Variants in MTF1 observed in about 807,000 individuals in gnomAD.
MTF1 encodes the protein MRE-binding transcription factor.
A neutral mutation model predicts 70.4 loss-of-function variants in MTF1; 22 were observed. The ratio of observed to expected loss-of-function variants is 0.31; its 90% CI spans 0.22 to 0.45. The LOEUF is 0.45. MTF1 is among the 20% of genes least tolerant of loss of function. The pLI, the probability that MTF1 is intolerant of heterozygous loss-of-function variation, is 1.00. For synonymous variants in MTF1, 333 were observed against 352.8 expected (o/e 0.94, Z 0.63); for missense variants, 649 against 922.0 (o/e 0.70, Z 3.83).
chr1:37,838,620 C>T lies in MTF1; in HGVS notation c.779+5G>A. Reference sequence around the variant, plus strand: ...CAGTGACAAATAGAAAACAGTAAGACCTACCGAAATGGCTTTTCCCCTGTA... The same window carrying T: ...CAGTGACAAATAGAAAACAGTAAGATCTACCGAAATGGCTTTTCCCCTGTA... On this transcript the variant is annotated splice_donor_5th_base_variant and intron_variant, in intron 4 of 10. Coordinates refer to ENST00000373036, the MANE Select transcript of MTF1 (RefSeq NM_005955.3). 1.2e-6 allele frequency: 2 copies of T among 1,610,260 alleles called. No homozygotes were observed. The highest frequency in any genetic ancestry group is 1.7e-6 in the Non-Finnish European group (2 of 1,177,512).
At chr1:37,831,645 T>C (rs564878810) in intron 7 of MTF1, among the ~76,000 whole-genome samples, 150 of 152,310 alleles carry the variant, frequency 9.8e-4, no homozygotes, top group African/African-American at 3.5e-3. Context: ...TCAAATTTCC[T>C]AACAGCTTGA....
Position 37,857,505 on chromosome 1 carries a change from C to G in MTF1, c.154G>C (p.Glu52Gln). ...TCCTCCAAAGTGCCAGGGTCCTGCT[C>G]AATAAGAACAGTGGTCCTATCATAA... ...TVYDRTTVLI[E>Q]QDPGTLEDED... Residue 52 changes from glutamate to glutamine, a missense_variant, in exon 2 of 11, where the codon GAG becomes CAG. Transcript: ENST00000373036. The G allele has an allele frequency of 6.2e-7, 1 of 1,614,186 alleles. No homozygotes were observed. The highest frequency in any genetic ancestry group is 8.5e-7 in the Non-Finnish European group (1 of 1,180,042).
intron 3 of MTF1, among the ~76,000 whole-genome samples, chr1:37,838,972 T>G (rs1414438120): frequency 6.6e-6 from 1 of 151,600 alleles, no homozygotes; most frequent in Admixed American, 6.6e-5. Context: ...GCCTGGCTAA[T>G]TTTTGTATTT....
At chr1:37,841,199 G>T in intron 2 of MTF1, 1 of 155,696 alleles carries the variant, frequency 6.4e-6, no homozygotes, top group South Asian at 1.7e-4. Context: ...GGACTACGGT[G>T]GCCACATCGG....
intron 2 of MTF1, 68 bp downstream of exon 2, chr1:37,857,183 T>C: frequency 1.3e-6 from 2 of 1,515,410 alleles, no homozygotes; most frequent in Non-Finnish European, 1.8e-6. Flanking sequence ...CAGCTAAAAT[T>C]TGCACCAAGA....
intron 7 of MTF1, among the ~76,000 whole-genome samples, chr1:37,829,109 TTCTC>T (rs1168962575): frequency 2.1e-5 from 3 of 141,264 alleles, no homozygotes; most frequent in East Asian, 4.2e-4. Context: ...CAAGTCCTGA[TTCTC>T]TCTTTTTTTT....
chr1:37,826,901 C>T (rs1179824694), intron 7 of MTF1, among the ~76,000 whole-genome samples: 2 of 152,086 alleles, frequency 1.3e-5, no homozygotes, highest in African/African-American at 4.8e-5. Flanking sequence ...ATTACTTGAA[C>T]CTGGGAAGTG....
chr1:37,818,138 C>G (rs577227214), intron 9 of MTF1, among the ~76,000 whole-genome samples: 4 of 152,358 alleles, frequency 2.6e-5, no homozygotes, highest in South Asian at 2.1e-4. Context: ...GATGGAGTAT[C>G]TGTCCCCTCC....
intron 2 of MTF1, among the ~76,000 whole-genome samples, chr1:37,844,406 G>C (rs558217405): frequency 6.6e-6 from 1 of 152,242 alleles, no homozygotes; most frequent in East Asian, 1.9e-4. Context: ...ATCATTCCAT[G>C]TCTACATGAC....
At chr1:37,855,920 T>G (rs373814236) in intron 2 of MTF1, among the ~76,000 whole-genome samples, 1 of 151,836 alleles carries the variant, frequency 6.6e-6, no homozygotes, top group East Asian at 1.9e-4. Flanking sequence ...ATCGCACCAC[T>G]GCACTCCAGC....
At chr1:37,849,549 G>T (rs1286901526) in intron 2 of MTF1, among the ~76,000 whole-genome samples, 2 of 152,160 alleles carry the variant, frequency 1.3e-5, no homozygotes, top group South Asian at 2.1e-4. Flanking sequence ...GATTCCTAGG[G>T]TTTTTTCATG....
intron 2 of MTF1, among the ~76,000 whole-genome samples, chr1:37,848,000 G>A (rs377456010): frequency 4.5e-4 from 69 of 152,224 alleles, no homozygotes; most frequent in South Asian, 1.5e-3. Context: ...TATAAATGGC[G>A]GTTTATGTTC....
chr1:37,823,625 C>G (rs559477217), intron 8 of MTF1, 85 bp downstream of exon 8: 1 of 1,035,412 alleles, frequency 9.7e-7, no homozygotes, highest in African/African-American at 1.6e-5. Flanking sequence ...ACTTCATTTA[C>G]GCTAACTAGA....
chr1:37,859,506 G>C (rs924490006), intron 1 of MTF1, 25 bp downstream of exon 1: 1 of 398,954 alleles, frequency 2.5e-6, no homozygotes, highest in African/African-American at 2.1e-5. Flanking sequence ...CCCAAGCCCA[G>C]GCCGAGTCTA....
intron 6 of MTF1, chr1:37,834,744 C>A: frequency 2.0e-6 from 1 of 491,114 alleles, no homozygotes; most frequent in African/African-American, 1.9e-5. Flanking sequence ...GCAGACTTTG[C>A]TGGCGGATGT....
At chr1:37,816,661 C>T (rs1271430739) in intron 10 of MTF1, among the ~76,000 whole-genome samples, 2 of 136,092 alleles carry the variant, frequency 1.5e-5, no homozygotes, top group Admixed American at 8.1e-5. Context: ...GGCAACAGAA[C>T]GTGACTCCAT....
chr1:37,833,489 G>A lies in MTF1; in HGVS notation c.991-1167C>T, dbSNP rs569857798. 6.6e-5 allele frequency among the ~76,000 whole-genome samples: 10 copies of A among 152,176 alleles called. No individual in the cohort carries two copies. The East Asian group carries it at 1.9e-3, about 29-fold the overall frequency. ...ATGCCAGTCACAATTCACACTTTAG[G>A]TGGTAGCCCTGCTTACCTCAGATGC... On this transcript the variant is annotated intron_variant, in intron 6 of 10. Coordinates refer to ENST00000373036, the MANE Select transcript of MTF1 (RefSeq NM_005955.3).
chr1:37,822,508 G>T lies in MTF1; in HGVS notation c.1380C>A (p.Asn460Lys). ...CTGGAGGTTGTAAGAGAGCAGGGGG[G>T]TTGCCAAATGCAGCTTGCTGGGAGC... ...GPGSQQAAFG[N>K]PPALLQPPEV... is the part of the protein sequence containing the mutation. Residue 460 changes from asparagine to lysine, a missense_variant, in exon 9 of 11, where the codon AAC becomes AAA. Asn to Lys is a moderately conservative substitution (Grantham distance 94). Around this residue, in one of 7 missense-constraint regions of MTF1, gnomAD observed 267 missense variants for 292.1 expected, o/e 0.91. Coordinates refer to ENST00000373036, the MANE Select transcript of MTF1 (RefSeq NM_005955.3). The T allele has an allele frequency of 6.2e-7, 1 of 1,614,134 alleles. No homozygotes were observed. Among genetic ancestry groups the T allele is most frequent in the South Asian group, 1.1e-5 (1 of 91,088 alleles).
rs1424552872 is a variant in MTF1 at position 37,830,276 on chromosome 1, C to T, written c.1068+1969G>A. Among the ~76,000 whole-genome samples, 3 of 152,284 alleles carry T rather than the reference C, an allele frequency of 2.0e-5. No individual in the cohort carries two copies. The East Asian group carries it at 5.8e-4, about 29-fold the overall frequency. Reference sequence around the variant, plus strand: ...TTTCTCTTTGCTCTTTAGTTTGATTCATTTCTATTATTGATCTTCAACTCA... The same window carrying T: ...TTTCTCTTTGCTCTTTAGTTTGATTTATTTCTATTATTGATCTTCAACTCA... On this transcript the variant is annotated intron_variant, in intron 7 of 10. Transcript: ENST00000373036.
Sources: gnomAD v4.1 joint callset for allele counts (sites outside exome capture counted in the v4.1 genomes callset) on GRCh38, gnomAD v4.1.1 for gene constraint, gnomAD v4.1.1 regional missense constraint, MANE v1.5 for transcripts, NCBI Gene and HGNC (gene_info 2026-07-23, HGNC 2026-07-21) for gene names.